Variants in PRKG1 observed in about 807,000 individuals in gnomAD.
PRKG1 encodes the protein protein kinase cGMP-dependent 1.
A neutral mutation model predicts 88.1 loss-of-function variants in PRKG1; 35 were observed. That is an observed-to-expected ratio of 0.40 (90% CI 0.30 to 0.53). PRKG1 has a LOEUF of 0.53. Among genes scored for constraint, PRKG1 ranks in the 20% least tolerant of loss-of-function variants. The pLI is 0.59. For missense variants in PRKG1, 540 were observed against 839.8 expected, an observed-to-expected ratio of 0.64 and a Z score of 4.41; for synonymous variants, 303 against 292.5, an observed-to-expected ratio of 1.04 and a Z score of -0.37.
intron 9 of PRKG1, among the ~76,000 whole-genome samples, chr10:52,246,947 A>T (rs952578417): frequency 7.5e-4 from 109 of 144,476 alleles, no homozygotes; most frequent in African/African-American, 2.7e-3. Context: ...TAATCACCAT[A>T]GCCCCAGATG....
Position 51,477,756 on chromosome 10 carries a change from G to A in PRKG1, c.592+9920G>A, listed in dbSNP as rs1395114310. ...ACTTTCGTCATTTGCCGAACCTGAG[G>A]AACTAAGAGCACAATTTGAAACCCA... On this transcript the variant is annotated intron_variant, in intron 3 of 17. Coordinates refer to ENST00000373980, the MANE Select transcript of PRKG1 (RefSeq NM_006258.4). 7.2e-5 allele frequency among the ~76,000 whole-genome samples: 11 copies of A among 152,038 alleles called. No individual in the cohort carries two copies. The East Asian group carries it at 2.1e-3, about 29-fold the overall frequency.
At chr10:50,992,328 G>C (rs1248700632) in intron 1 of PRKG1, among the ~76,000 whole-genome samples, 2 of 152,148 alleles carry the variant, frequency 1.3e-5, no homozygotes, top group African/African-American at 4.8e-5. Flanking sequence ...ACATTGCAAA[G>C]AAACCCCACC....
chr10:51,008,408 G>A (rs758793564), intron 1 of PRKG1, among the ~76,000 whole-genome samples: 2 of 152,206 alleles, frequency 1.3e-5, no homozygotes, highest in South Asian at 4.1e-4. Context: ...CAGCTCTGTA[G>A]ACTAGAAGTT....
At chr10:51,859,984 T>C (rs1840829075) in intron 4 of PRKG1, among the ~76,000 whole-genome samples, 2 of 152,220 alleles carry the variant, frequency 1.3e-5, no homozygotes, top group South Asian at 4.1e-4. Context: ...ATGTTACATG[T>C]GACACCTTTT....
chr10:51,470,595 T>C (rs1840024727), intron 3 of PRKG1, among the ~76,000 whole-genome samples: 1 of 151,926 alleles, frequency 6.6e-6, no homozygotes, highest in Non-Finnish European at 1.5e-5. Context: ...CATTCAATAG[T>C]TTTTCAATGT....
intron 2 of PRKG1, chr10:51,245,922 G>A (rs1839277515): frequency 6.6e-6 from 1 of 152,128 alleles, no homozygotes; most frequent in Non-Finnish European, 1.5e-5. Flanking sequence ...AAGAGCAAAA[G>A]CTAGGAGTTA....
chr10:51,911,495 G>T (rs965560040), intron 5 of PRKG1, among the ~76,000 whole-genome samples: 1 of 152,162 alleles, frequency 6.6e-6, no homozygotes, highest in African/African-American at 2.4e-5. Flanking sequence ...CTAATCAGAA[G>T]ATGCCTTAAT....
chr10:51,662,594 CTG>C (rs1403462326), intron 3 of PRKG1, among the ~76,000 whole-genome samples: 6 of 152,218 alleles, frequency 3.9e-5, no homozygotes, highest in African/African-American at 1.4e-4. Flanking sequence ...CTGAAAAAGA[CTG>C]TTTCCCAACT....
At chr10:52,128,784 T>G (rs1286003812) in intron 7 of PRKG1, among the ~76,000 whole-genome samples, 7 of 152,148 alleles carry the variant, frequency 4.6e-5, no homozygotes, top group Non-Finnish European at 7.3e-5. Context: ...ATTTATTAAC[T>G]GCACACCGAA....
chr10:51,818,460 T>G (rs2132722361), intron 4 of PRKG1, among the ~76,000 whole-genome samples: 1 of 152,316 alleles, frequency 6.6e-6, no homozygotes, highest in Middle Eastern at 3.4e-3. Flanking sequence ...TTTCTTTCTT[T>G]TACAAGTAGT....
intron 1 of PRKG1, among the ~76,000 whole-genome samples, chr10:51,126,057 T>C (rs1473586514): frequency 8.1e-6 from 1 of 123,238 alleles, no homozygotes; most frequent in Non-Finnish European, 1.6e-5. Context: ...TATATAATTA[T>C]ATATAATATA....
intron 3 of PRKG1, among the ~76,000 whole-genome samples, chr10:51,707,593 T>TC (rs1841642101): frequency 6.6e-6 from 1 of 151,918 alleles, no homozygotes; most frequent in Admixed American, 6.6e-5. Context: ...ATGAATCTTT[T>TC]TTTTTTTTCC....
intron 2 of PRKG1, among the ~76,000 whole-genome samples, chr10:51,230,365 G>A (rs1198163903): frequency 1.3e-5 from 2 of 152,170 alleles, no homozygotes; most frequent in Non-Finnish European, 2.9e-5. Flanking sequence ...ATTCATATAT[G>A]TGTGCATAGG....
At chr10:51,777,038 G>T (rs906793007) in intron 3 of PRKG1, among the ~76,000 whole-genome samples, 1 of 152,012 alleles carries the variant, frequency 6.6e-6, no homozygotes, top group Non-Finnish European at 1.5e-5. Flanking sequence ...CTTGTGATTA[G>T]CTCATTTAAT....
At chr10:51,277,039 G>GCCTA (rs1229666151) in intron 2 of PRKG1, among the ~76,000 whole-genome samples, 1 of 152,166 alleles carries the variant, frequency 6.6e-6, no homozygotes, top group African/African-American at 2.4e-5. Flanking sequence ...TCTTGCCCAT[G>GCCTA]CCTATGTCCT....
At chr10:51,248,009 A>G (rs551813128) in intron 2 of PRKG1, among the ~76,000 whole-genome samples, 1 of 152,082 alleles carries the variant, frequency 6.6e-6, no homozygotes, top group South Asian at 2.1e-4. Context: ...AACAACAACA[A>G]TAAAGGTAAC....
chr10:51,332,011 C>T (rs760949075), intron 2 of PRKG1, among the ~76,000 whole-genome samples: 45 of 152,236 alleles, frequency 3.0e-4, no homozygotes, highest in Non-Finnish European at 5.1e-4. Flanking sequence ...CAGTCATGCC[C>T]TCAACTAAAT....
At chr10:51,933,513 C>T (rs1442862300) in intron 5 of PRKG1, among the ~76,000 whole-genome samples, 1 of 152,050 alleles carries the variant, frequency 6.6e-6, no homozygotes, top group East Asian at 1.9e-4. Flanking sequence ...ACTATCAATT[C>T]AACTACACCA....
intron 4 of PRKG1, among the ~76,000 whole-genome samples, chr10:51,824,074 A>G (rs1006912438): frequency 2.6e-5 from 4 of 151,828 alleles, no homozygotes; most frequent in Non-Finnish European, 5.9e-5. Context: ...AGCTTTTGCC[A>G]TGTTGCCTAG....
Sources: allele counts gnomAD v4.1 joint callset (sites outside exome capture counted in the v4.1 genomes callset), GRCh38; gene constraint gnomAD v4.1.1; transcripts MANE v1.5; gene names NCBI Gene and HGNC (gene_info 2026-07-23, HGNC 2026-07-21).